Variants in PYGO1 observed in about 807,000 individuals in gnomAD.
The protein encoded by PYGO1 is pygopus family PHD finger 1.
In PYGO1, 6 loss-of-function variants were observed where a neutral mutation model predicts 29.5. That is an observed-to-expected ratio of 0.20 (90% CI 0.11 to 0.40). The LOEUF is 0.40. Ranked by LOEUF, PYGO1 falls within the 10% of genes least tolerant of loss-of-function variation. The pLI is 1.00. For missense variants in PYGO1, 515 were observed against 514.9 expected (o/e 1.00, Z 0.00); for synonymous variants, 186 against 180.5 (o/e 1.03, Z -0.24).
chr15:55,572,871 C>T (rs986941668), intron 1 of PYGO1, among the ~76,000 whole-genome samples: 1 of 148,436 alleles, frequency 6.7e-6, no homozygotes, highest in African/African-American at 2.5e-5. Flanking sequence ...ATCAAAAAGA[C>T]AAAAAAAATA....
chr15:55,549,987 A>C (rs2058871560), intron 1 of PYGO1, among the ~76,000 whole-genome samples: 1 of 152,210 alleles, frequency 6.6e-6, no homozygotes, highest in African/African-American at 2.4e-5. Flanking sequence ...TAAATATTTC[A>C]GAATGTATTT....
intron 1 of PYGO1, among the ~76,000 whole-genome samples, chr15:55,551,664 A>T (rs1257060243): frequency 6.6e-6 from 1 of 151,886 alleles, no homozygotes; most frequent in African/African-American, 2.4e-5. Flanking sequence ...AAAATTAGCC[A>T]GGTATGGTGG....
chr15:55,573,389 G>A (rs2058988259), intron 1 of PYGO1, among the ~76,000 whole-genome samples: 1 of 152,128 alleles, frequency 6.6e-6, no homozygotes, highest in Non-Finnish European at 1.5e-5. Context: ...TCCACTGCTG[G>A]TGGGAATGTA....
At chr15:55,570,829 T>A (rs999298833) in intron 1 of PYGO1, among the ~76,000 whole-genome samples, 9 of 152,144 alleles carry the variant, frequency 5.9e-5, no homozygotes, top group African/African-American at 1.4e-4. Flanking sequence ...TTCTCTCAGG[T>A]TTTTTTCCTA....
At chr15:55,550,001 A>G (rs1026816394) in intron 1 of PYGO1, among the ~76,000 whole-genome samples, 1 of 152,214 alleles carries the variant, frequency 6.6e-6, no homozygotes, top group African/African-American at 2.4e-5. Context: ...TGTATTTCTA[A>G]AAACTAGGAA....
At position 55,540,437 on chromosome 15, in the gene PYGO1, G is replaced by A. The variant is rs965768856; in HGVS notation, c.*5586C>T. On this transcript the variant is annotated 3_prime_UTR_variant, in exon 3 of 3. Transcript: ENST00000563719. ...AATCCTAATATGCACTGCCATTTAA[G>A]GTAATTATTTAGTAAAGTATACCTG... The A allele has an allele frequency of 1.7e-4, 26 of 151,888 alleles. No individual in the cohort carries two copies. The highest frequency in any genetic ancestry group is 2.0e-4 in the Admixed American group (3 of 15,254). The allele number at this position is 151,888 out of a possible 1,614,324, so 9.4% of individuals were successfully genotyped here.
chr15:55,547,782 A>T (rs923490368), intron 2 of PYGO1, among the ~76,000 whole-genome samples: 3 of 152,194 alleles, frequency 2.0e-5, no homozygotes, highest in Non-Finnish European at 2.9e-5. Flanking sequence ...CTTCAAATTT[A>T]TAAAGAATAA....
At chr15:55,574,303 C>G (rs936775692) in intron 1 of PYGO1, among the ~76,000 whole-genome samples, 17 of 152,170 alleles carry the variant, frequency 1.1e-4, no homozygotes, top group Non-Finnish European at 8.8e-5. Context: ...TATGAAATTA[C>G]AGTAGTACAG....
At chr15:55,587,611 C>T (rs2059053718) in intron 1 of PYGO1, among the ~76,000 whole-genome samples, 1 of 151,690 alleles carries the variant, frequency 6.6e-6, no homozygotes, top group Non-Finnish European at 1.5e-5. Flanking sequence ...CAACTGCCTC[C>T]GAACACAAAG....
At chr15:55,565,278 T>C (rs991003237) in intron 1 of PYGO1, among the ~76,000 whole-genome samples, 1 of 152,010 alleles carries the variant, frequency 6.6e-6, no homozygotes, top group African/African-American at 2.4e-5. Context: ...TGCCCCTACA[T>C]AAACCACCAC....
At chr15:55,574,530 T>C (rs2058993224) in intron 1 of PYGO1, among the ~76,000 whole-genome samples, 1 of 152,218 alleles carries the variant, frequency 6.6e-6, no homozygotes, top group Non-Finnish European at 1.5e-5. Context: ...GACTTAACTT[T>C]TTCTTAATTT....
rs543953213 is a variant in PYGO1 at position 55,584,992 on chromosome 15, A to G, written c.49+2843T>C. Among the ~76,000 whole-genome samples, 5 of 152,316 alleles carry G rather than the reference A, an allele frequency of 3.3e-5. No individual in the cohort carries two copies. In the East Asian group the frequency reaches 7.7e-4, roughly 24 times the overall value. Reference sequence around the variant, plus strand: ...CAGAAGTCCCAACTCTGTGGATCCCAGAAGTCCTGATTCCGTAGATCCACG... The same window carrying G: ...CAGAAGTCCCAACTCTGTGGATCCCGGAAGTCCTGATTCCGTAGATCCACG... On this transcript the variant is annotated intron_variant, in intron 1 of 2. Coordinates refer to ENST00000563719, the MANE Select transcript of PYGO1 (RefSeq NM_001367806.1).
At position 55,569,468 on chromosome 15, in the gene PYGO1, T is replaced by C. The variant is rs1440957579; in HGVS notation, c.49+18367A>G. On this transcript the variant is annotated intron_variant, in intron 1 of 2. Coordinates refer to ENST00000563719, the MANE Select transcript of PYGO1 (RefSeq NM_001367806.1). ...CTGTTGCCACTGCATCCCAGATATT[T>C]TGGTATGTTGTGCCTCTGTTTTCAT... is the stretch of plus-strand genomic sequence containing the variant. 6.6e-5 allele frequency among the ~76,000 whole-genome samples: 10 copies of C among 152,306 alleles called. No homozygotes were observed. The East Asian group carries it at 1.4e-3, about 21-fold the overall frequency.
intron 1 of PYGO1, among the ~76,000 whole-genome samples, chr15:55,564,336 T>C (rs1820841962): frequency 6.6e-6 from 1 of 152,164 alleles, no homozygotes; most frequent in South Asian, 2.1e-4. Flanking sequence ...TGTTGCATGA[T>C]TCCATTTATA....
intron 1 of PYGO1, among the ~76,000 whole-genome samples, chr15:55,569,626 C>A (rs1320200383): frequency 2.0e-5 from 3 of 152,130 alleles, no homozygotes; most frequent in African/African-American, 7.2e-5. Context: ...CTTCTTGGTA[C>A]TTCTATGTTT....
In PYGO1 at chr15:55,577,900, G is replaced by A. The variant is rs530273155; in HGVS notation, c.49+9935C>T. 6.6e-5 allele frequency among the ~76,000 whole-genome samples: 10 copies of A among 150,914 alleles called. No homozygotes were observed. The East Asian group carries it at 1.2e-3, about 18-fold the overall frequency. On this transcript the variant is annotated intron_variant, in intron 1 of 2. Transcript: ENST00000563719. ...AGCAATTTCCCTGCCTCAGCCTCCC[G>A]AGCAGCTGGGATTACAGGTGGCTGC...
At chr15:55,551,905 T>C (rs1208373306) in intron 1 of PYGO1, among the ~76,000 whole-genome samples, 1 of 152,158 alleles carries the variant, frequency 6.6e-6, no homozygotes, top group Non-Finnish European at 1.5e-5. Flanking sequence ...AGCGGGATTT[T>C]TCCCAGCAAT....
intron 1 of PYGO1, among the ~76,000 whole-genome samples, chr15:55,564,839 G>C (rs2058948254): frequency 6.6e-6 from 1 of 152,164 alleles, no homozygotes; most frequent in Admixed American, 6.5e-5. Context: ...TATCAGTAGG[G>C]TGAGTTCTTG....
Position 55,546,235 on chromosome 15 carries a change from C to G in PYGO1, c.1048G>C (p.Val350Leu). The G allele has an allele frequency of 1.2e-6, 2 of 1,614,202 alleles. No homozygotes were observed. The highest frequency in any genetic ancestry group is 1.7e-6 in the Non-Finnish European group (2 of 1,180,016). Residue 350 changes from valine (V) to leucine (L), a missense_variant, in exon 3 of 3, where the codon GTG (valine) becomes CTG (leucine). Val to Leu is a conservative substitution (Grantham distance 32, BLOSUM62 1). Coordinates refer to ENST00000563719, the MANE Select transcript of PYGO1 (RefSeq NM_001367806.1). ...VYPCGICTNE[V>L]NDDQDAILCE... ...AAGATGGCATCCTGATCATCGTTCA[C>G]CTCGTTTGTACAAATTCCACAAGGA...
Sources: allele counts gnomAD v4.1 joint callset (sites outside exome capture counted in the v4.1 genomes callset), GRCh38; gene constraint gnomAD v4.1.1; transcripts MANE v1.5; gene names NCBI Gene and HGNC (gene_info 2026-07-23, HGNC 2026-07-21).